Variants in KIF21A observed in about 807,000 individuals in gnomAD.
KIF21A encodes the protein kinesin family member 21A, also known as kinesin-like protein KIF21A.
Under a neutral mutation model 202.9 loss-of-function variants are expected in KIF21A, and 114 were observed. The observed-to-expected ratio is 0.56, with a 90% CI of 0.48 to 0.66. KIF21A has a LOEUF of 0.66. KIF21A is among the 30% of genes least tolerant of loss of function. The pLI is 0.00. For synonymous variants in KIF21A, 667 were observed against 670.8 expected, an observed-to-expected ratio of 0.99 and a Z score of 0.09; for missense variants, 1,677 against 1,994.9, an observed-to-expected ratio of 0.84 and a Z score of 3.04.
intron 7 of KIF21A, among the ~76,000 whole-genome samples, chr12:39,361,757 T>C (rs534659692): frequency 1.4e-4 from 21 of 152,208 alleles, no homozygotes; most frequent in Middle Eastern, 6.8e-3. Flanking sequence ...CTGCCCGCCT[T>C]GGCCTCCCAA....
chr12:39,425,058 C>A (rs546838728), intron 1 of KIF21A, among the ~76,000 whole-genome samples: 27 of 152,148 alleles, frequency 1.8e-4, no homozygotes, highest in Non-Finnish European at 3.7e-4. Context: ...CACTAACAGG[C>A]CAGTTTATTT....
In KIF21A at chr12:39,431,419, C is replaced by G. The variant is rs1937883194; in HGVS notation, c.44+11508G>C. Among the ~76,000 whole-genome samples the G allele has an allele frequency of 2.0e-5, 3 of 152,142 alleles. No homozygotes were observed. The South Asian group carries it at 6.2e-4, about 32-fold the overall frequency. Reference sequence around the variant, plus strand: ...AACCAAGACAAAAGCCAAGTTTGGACAAGTAAAATAGGAGGTTAAAGGGAA... The same window carrying G: ...AACCAAGACAAAAGCCAAGTTTGGAGAAGTAAAATAGGAGGTTAAAGGGAA... On this transcript the variant is annotated intron_variant, in intron 1 of 37. Transcript: ENST00000361418.
At position 39,330,350 on chromosome 12, in the gene KIF21A, T is replaced by G. The variant is rs968595142; in HGVS notation, c.3320-88A>C. 3 of 1,173,128 alleles carry G rather than the reference T, an allele frequency of 2.6e-6. No individual in the cohort carries two copies. In the African/African-American group the frequency reaches 4.5e-5, roughly 18 times the overall value. 72.7% of individuals were successfully genotyped at this position (1,173,128 alleles called of 1,614,324 possible). On this transcript the variant is annotated intron_variant, in intron 23 of 37. Transcript: ENST00000361418. ...TAAAAACTCCCACATAAAACAAGAT[T>G]ATGTACCATTTACATGTAGAATAGA...
rs1387332677 is a variant in KIF21A, at chr12:39,436,448, A to ATATATATATATT, written c.44+6478_44+6479insAATATATATATA. 3.4e-4 allele frequency among the ~76,000 whole-genome samples: 33 copies of ATATATATATATT among 95,764 alleles called. No homozygotes were observed. The East Asian group carries it at 3.5e-3, about 10-fold the overall frequency. The allele number at this position is 95,764 out of a possible 152,430, so 62.8% of individuals were successfully genotyped here. ...TATATATATATATATATATATATAT[A>ATATATATATATT]TTTTTTTTTTTTTTAGACAGGGTTT... On this transcript the variant is annotated intron_variant, in intron 1 of 37. Transcript: ENST00000361418.
intron 17 of KIF21A, among the ~76,000 whole-genome samples, chr12:39,334,873 C>G (rs935999920): frequency 7.9e-5 from 12 of 152,100 alleles, no homozygotes; most frequent in African/African-American, 2.9e-4. Flanking sequence ...CCCAGGAGTT[C>G]AGTATTGGTC....
chr12:39,433,565 C>T (rs1938257195), intron 1 of KIF21A, among the ~76,000 whole-genome samples: 1 of 152,218 alleles, frequency 6.6e-6, no homozygotes, highest in African/African-American at 2.4e-5. Context: ...AAGGAAAATT[C>T]ACATTTTTAC....
intron 11 of KIF21A, among the ~76,000 whole-genome samples, chr12:39,351,483 A>T (rs901782523): frequency 3.3e-5 from 5 of 152,126 alleles, no homozygotes; most frequent in African/African-American, 1.2e-4. Flanking sequence ...AAGCAAAATG[A>T]ATGGAATGCA....
chr12:39,394,662 C>G (rs982114380), intron 1 of KIF21A, among the ~76,000 whole-genome samples: 1 of 151,718 alleles, frequency 6.6e-6, no homozygotes, highest in Non-Finnish European at 1.5e-5. Flanking sequence ...GAAGAGCTCC[C>G]GCACTGGAGT....
intron 37 of KIF21A, among the ~76,000 whole-genome samples, chr12:39,298,224 CA>C (rs774553408): frequency 2.6e-5 from 4 of 152,088 alleles, no homozygotes; most frequent in Non-Finnish European, 5.9e-5. Flanking sequence ...GGAACCCAAG[CA>C]GAGAATCACA....
intron 26 of KIF21A, among the ~76,000 whole-genome samples, chr12:39,325,600 C>T (rs1482176459): frequency 6.6e-6 from 1 of 150,622 alleles, no homozygotes; most frequent in East Asian, 2.0e-4. Flanking sequence ...CCTTGGCCTC[C>T]CAAGTGCTGG....
rs1346241771 is a variant in KIF21A at position 39,322,899 on chromosome 12, A to G, written c.3457-17T>C. The G allele has an allele frequency of 1.3e-6, 2 of 1,498,454 alleles. No homozygotes were observed. The highest frequency in any genetic ancestry group is 3.9e-5 in the Admixed American group (2 of 51,694). The allele number at this position is 1,498,454 out of a possible 1,614,324, so 92.8% of individuals were successfully genotyped here. A position where few individuals can be genotyped will look rare whatever the true frequency, so the allele number is the denominator to read the frequency against. On this transcript the variant is annotated splice_polypyrimidine_tract_variant and intron_variant, in intron 26 of 37. Transcript: ENST00000361418. The stretch of plus-strand genomic sequence containing the variant: ...CCTTCGGGCCTAGTCAAAGAATGGA[A>G]GGAAAAGCAATCAGGAGCAAACTCT...
chr12:39,333,013 T>C lies in KIF21A; in HGVS notation c.2582A>G (p.Asp861Gly). 1 of 1,614,148 alleles carries C rather than the reference T, an allele frequency of 6.2e-7. No homozygotes were observed. Reference protein sequence around the residue: ...KLSSSDAPAQDTGSSAAAVET... With the variant: ...KLSSSDAPAQGTGSSAAAVET... The stretch of plus-strand genomic sequence containing the variant: ...GACAGCAGCTGCACTGGAACCTGTG[T>C]CCTGAGCAGGTGCATCAGATGAACT... Residue 861 changes from aspartate to glycine, a missense_variant, in exon 19 of 38, where the codon GAC (aspartate) becomes GGC (glycine). Asp to Gly is a moderately conservative substitution (Grantham distance 94, BLOSUM62 -1). Around this residue, in one of 3 missense-constraint regions of KIF21A, gnomAD observed 966 missense variants for 1,180.9 expected, o/e 0.82. Coordinates refer to ENST00000361418, the MANE Select transcript of KIF21A (RefSeq NM_001173464.2).
In KIF21A at chr12:39,307,719, G is replaced by C. The variant is rs777756778; in HGVS notation, c.4288C>G (p.Gln1430Glu). The C allele has an allele frequency of 6.2e-7, 1 of 1,613,818 alleles. No individual in the cohort carries two copies. The highest frequency in any genetic ancestry group is 8.5e-7 in the Non-Finnish European group (1 of 1,179,864). The change falls in exon 34 of 38, where the codon CAA becomes GAA. Residue 1430 changes from glutamine to glutamate, a missense_variant. Gln to Glu is a conservative substitution (Grantham distance 29). Around this residue, in one of 3 missense-constraint regions of KIF21A, gnomAD observed 705 missense variants for 791.9 expected, o/e 0.89. Transcript: ENST00000361418. ...GAACAAGCATCTCCAAGAGTAACTT[G>C]ACCTGAAGACCTTAAGAGATACAAA... ...KCIRTLTSSG[Q>E]VTLGDACSAS...
At chr12:39,383,693 G>A (rs185816231) in intron 1 of KIF21A, among the ~76,000 whole-genome samples, 112 of 152,260 alleles carry the variant, frequency 7.4e-4, no homozygotes, top group East Asian at 5.2e-3. Context: ...CAGCTACTGC[G>A]GAGGCTGAAG....
intron 1 of KIF21A, among the ~76,000 whole-genome samples, chr12:39,422,473 AATGT>A (rs1954380093): frequency 6.6e-6 from 1 of 152,188 alleles, no homozygotes; most frequent in African/African-American, 2.4e-5. Context: ...ATAACTAGTC[AATGT>A]ATTATTCACC....
intron 6 of KIF21A, among the ~76,000 whole-genome samples, chr12:39,364,388 T>G (rs1292166174): frequency 6.6e-6 from 1 of 152,216 alleles, no homozygotes; most frequent in Non-Finnish European, 1.5e-5. Flanking sequence ...GCTTTTGTCT[T>G]TTCCTGACAA....
chr12:39,300,787 C>T (rs1942889255), intron 37 of KIF21A, among the ~76,000 whole-genome samples: 1 of 152,108 alleles, frequency 6.6e-6, no homozygotes, highest in South Asian at 2.1e-4. Flanking sequence ...GTCACTTTCT[C>T]CATGAGGCCT....
intron 31 of KIF21A, chr12:39,311,893 A>G (rs2137393762): frequency 3.8e-6 from 1 of 261,460 alleles, no homozygotes; most frequent in East Asian, 8.3e-5. Context: ...ATAAGGAAGG[A>G]GCAGAAATGA....
At position 39,439,474 on chromosome 12, in the gene KIF21A, T is replaced by A. The variant is rs569509555; in HGVS notation, c.44+3453A>T. On this transcript the variant is annotated intron_variant, in intron 1 of 37. Transcript: ENST00000361418. ...TACACTTACAGTTCTAGTCAATACGTACACTAAATTTTCATCAGAAATACT... is the reference window on the plus strand; with the variant it reads ...TACACTTACAGTTCTAGTCAATACGAACACTAAATTTTCATCAGAAATACT... 2.6e-3 allele frequency among the ~76,000 whole-genome samples: 402 copies of A among 152,316 alleles called. 3 individuals are homozygous for A. Among genetic ancestry groups the A allele is most frequent in the African/African-American group, 8.9e-3 (368 of 41,578 alleles).
Sources: gnomAD v4.1 joint callset for allele counts (sites outside exome capture counted in the v4.1 genomes callset) on GRCh38, gnomAD v4.1.1 for gene constraint, gnomAD v4.1.1 regional missense constraint, MANE v1.5 for transcripts, NCBI Gene and HGNC (gene_info 2026-07-23, HGNC 2026-07-21) for gene names.